NEDD4L: variants seen among roughly 807,000 people sequenced by gnomAD.
NEDD4L encodes the protein NEDD4 like E3 ubiquitin protein ligase, also known as E3 ubiquitin-protein ligase NEDD4-like.
Under a neutral mutation model 148.9 loss-of-function variants are expected in NEDD4L, and 54 were observed. That is an observed-to-expected ratio of 0.36 (90% CI 0.29 to 0.45). The LOEUF (loss-of-function observed/expected upper bound fraction) is 0.45. Ranked by LOEUF, NEDD4L falls within the 20% of genes least tolerant of loss-of-function variation. NEDD4L has a pLI of 1.00. For synonymous variants in NEDD4L, 433 were observed against 440.7 expected, an observed-to-expected ratio of 0.98 and a Z score of 0.22; for missense variants, 856 against 1,233.8, an observed-to-expected ratio of 0.69 and a Z score of 4.59.
intron 2 of NEDD4L, among the ~76,000 whole-genome samples, chr18:58,241,623 G>A (rs1432206259): frequency 6.6e-6 from 1 of 151,602 alleles, no homozygotes; most frequent in Non-Finnish European, 1.5e-5. Flanking sequence ...CGGGAAGTCA[G>A]GGACCACTGC....
chr18:58,254,078 C>T (rs182350497), intron 5 of NEDD4L, among the ~76,000 whole-genome samples: 20 of 151,754 alleles, frequency 1.3e-4, no homozygotes, highest in African/African-American at 4.6e-4. Flanking sequence ...ATTACACAGA[C>T]TAGCTTCCAT....
intron 5 of NEDD4L, among the ~76,000 whole-genome samples, chr18:58,304,713 C>T (rs944574794): frequency 8.5e-5 from 13 of 152,186 alleles, no homozygotes; most frequent in African/African-American, 1.9e-4. Context: ...AAAACCCATC[C>T]GCTTTCCACA....
intron 2 of NEDD4L, among the ~76,000 whole-genome samples, chr18:58,178,407 G>A (rs2146910435): frequency 6.6e-6 from 1 of 151,998 alleles, no homozygotes; most frequent in African/African-American, 2.4e-5. Flanking sequence ...GAATGCAATT[G>A]TGAAATGTTT....
chr18:58,250,608 G>T (rs961779775), intron 4 of NEDD4L, among the ~76,000 whole-genome samples: 10 of 152,118 alleles, frequency 6.6e-5, no homozygotes, highest in African/African-American at 2.4e-4. Context: ...CCACGGACCA[G>T]AAGCACAAGC....
At chr18:58,263,660 C>CT (rs71173041) in intron 5 of NEDD4L, among the ~76,000 whole-genome samples, 7,245 of 103,650 alleles carry the variant, frequency 0.07, 834 homozygotes, top group African/African-American at 0.22. Flanking sequence ...ACTTCTTAGG[C>CT]TTTTTTTTTT....
At chr18:58,341,214 C>T (rs962427493) in intron 14 of NEDD4L, 45 bp downstream of exon 14, 8 of 1,600,446 alleles carry the variant, frequency 5.0e-6, no homozygotes, top group East Asian at 2.2e-5. Flanking sequence ...CCATAGAAGC[C>T]GAAATGTACA....
chr18:58,237,334 TC>T (rs1004259525), intron 2 of NEDD4L, among the ~76,000 whole-genome samples: 5 of 152,194 alleles, frequency 3.3e-5, no homozygotes, highest in Non-Finnish European at 5.9e-5. Context: ...AGTTTTTGTT[TC>T]CCCGTTTCCT....
At chr18:58,264,759 G>T (rs1036137657) in intron 5 of NEDD4L, among the ~76,000 whole-genome samples, 1 of 152,034 alleles carries the variant, frequency 6.6e-6, no homozygotes, top group African/African-American at 2.4e-5. Context: ...CTACTGTGCT[G>T]TTGAACACTA....
rs535058627 is a variant in NEDD4L, at chr18:58,102,677, A to G, written c.48+57969A>G. ...ATGCAAATAACGCAGTATCACATCTATTTATGTAGCACTTGTGTTGTATTA... is the reference window on the plus strand; with the variant it reads ...ATGCAAATAACGCAGTATCACATCTGTTTATGTAGCACTTGTGTTGTATTA... On this transcript the variant is annotated intron_variant, in intron 1 of 30. Coordinates refer to ENST00000400345, the MANE Select transcript of NEDD4L (RefSeq NM_001144967.3). Among the ~76,000 whole-genome samples, 16 of 152,288 alleles carry G rather than the reference A, an allele frequency of 1.1e-4. No individual in the cohort carries two copies. In the South Asian group the frequency reaches 2.7e-3, roughly 26 times the overall value.
chr18:58,342,230 C>G (rs1001687630), intron 15 of NEDD4L, among the ~76,000 whole-genome samples: 25 of 152,186 alleles, frequency 1.6e-4, no homozygotes, highest in Admixed American at 1.6e-3. Context: ...TATGGGCATA[C>G]ATGTTTCTGA....
intron 5 of NEDD4L, among the ~76,000 whole-genome samples, chr18:58,280,272 C>A (rs1442277519): frequency 6.6e-6 from 1 of 152,080 alleles, no homozygotes; most frequent in Non-Finnish European, 1.5e-5. Flanking sequence ...CAGCGCATTC[C>A]ACTGTCCAGC....
rs751788981 is a variant in NEDD4L at position 58,044,719 on chromosome 18, C to T, written c.48+11C>T. On this transcript the variant is annotated intron_variant, in intron 1 of 30. Coordinates refer to ENST00000400345, the MANE Select transcript of NEDD4L (RefSeq NM_001144967.3). ...CTTTCCGAAGACGAGGTGAGTGGCA[C>T]CCCCTTCCTGCTCGGGACTCCCCGG... 2.6e-5 allele frequency: 41 copies of T among 1,604,340 alleles called. No individual in the cohort carries two copies. Among genetic ancestry groups the T allele is most frequent in the Non-Finnish European group, 3.3e-5 (39 of 1,175,510 alleles).
At chr18:58,278,402 T>C (rs930614308) in intron 5 of NEDD4L, among the ~76,000 whole-genome samples, 2 of 152,162 alleles carry the variant, frequency 1.3e-5, no homozygotes, top group African/African-American at 4.8e-5. Flanking sequence ...AGCCTCTTAT[T>C]CAGAGGAGTT....
chr18:58,297,850 A>G (rs2055878714), intron 5 of NEDD4L, among the ~76,000 whole-genome samples: 1 of 152,134 alleles, frequency 6.6e-6, no homozygotes, highest in African/African-American at 2.4e-5. Flanking sequence ...TCATATCCAT[A>G]TTTGACTGTT....
chr18:58,252,590 T>C (rs1452228376), intron 5 of NEDD4L, among the ~76,000 whole-genome samples: 1 of 152,132 alleles, frequency 6.6e-6, no homozygotes, highest in African/African-American at 2.4e-5. Flanking sequence ...GAAAGTACCT[T>C]TAAAGAAACA....
intron 5 of NEDD4L, among the ~76,000 whole-genome samples, chr18:58,259,530 A>G (rs140609118): frequency 6.6e-6 from 1 of 152,256 alleles, no homozygotes; most frequent in East Asian, 1.9e-4. Context: ...CCCCCTTTGT[A>G]TGCCATTTTG....
chr18:58,153,195 T>C (rs985251641), intron 1 of NEDD4L, among the ~76,000 whole-genome samples: 4 of 149,220 alleles, frequency 2.7e-5, no homozygotes, highest in Admixed American at 2.7e-4. Context: ...GATGATAATT[T>C]TTTTTTAAAA....
intron 15 of NEDD4L, among the ~76,000 whole-genome samples, chr18:58,342,293 G>A (rs564826652): frequency 5.3e-5 from 8 of 152,224 alleles, no homozygotes; most frequent in African/African-American, 9.6e-5. Flanking sequence ...GCTCTCTGTC[G>A]TGTTTGTGTT....
rs2050745185 is a variant in NEDD4L at position 58,399,944 on chromosome 18, A to G, written c.*3675A>G. The G allele has an allele frequency of 6.6e-6, 1 of 152,182 alleles. No homozygotes were observed. Among genetic ancestry groups the G allele is most frequent in the African/African-American group, 2.4e-5 (1 of 41,426 alleles). 9.4% of individuals were successfully genotyped at this position (152,182 alleles called of 1,614,324 possible). A position where few individuals can be genotyped will look rare whatever the true frequency, so the allele number is the denominator to read the frequency against. On this transcript the variant is annotated 3_prime_UTR_variant, in exon 31 of 31. Coordinates refer to ENST00000400345, the MANE Select transcript of NEDD4L (RefSeq NM_001144967.3). ...TACACAGCAACTTTTTAATTATTCT[A>G]ACAGTTACCCATTAACAGTCGACTC...
Sources: allele counts gnomAD v4.1 joint callset (sites outside exome capture counted in the v4.1 genomes callset), GRCh38; gene constraint gnomAD v4.1.1; transcripts MANE v1.5; gene names NCBI Gene and HGNC (gene_info 2026-07-23, HGNC 2026-07-21).